SORCS1: variants seen among roughly 807,000 people sequenced by gnomAD.
SORCS1 encodes the protein VPS10 domain-containing receptor SorCS1.
SORCS1 carries 60 observed loss-of-function variants against 146.1 expected under a neutral mutation model. That is an observed-to-expected ratio of 0.41 (90% CI 0.33 to 0.51). The LOEUF (loss-of-function observed/expected upper bound fraction) is 0.51. Ranked by LOEUF, SORCS1 falls within the 20% of genes least tolerant of loss-of-function variation. The pLI is 0.21. For missense variants in SORCS1, 1,352 were observed against 1,487.6 expected (o/e 0.91, Z 1.50); for synonymous variants, 637 against 584.0 (o/e 1.09, Z -1.31).
intron 3 of SORCS1, among the ~76,000 whole-genome samples, chr10:106,794,137 G>A (rs567979578): frequency 1.9e-4 from 29 of 152,240 alleles, no homozygotes; most frequent in African/African-American, 4.3e-4. Flanking sequence ...GGCCCAAAGA[G>A]CACTGTTTAA....
intron 1 of SORCS1, among the ~76,000 whole-genome samples, chr10:107,027,715 AG>A (rs1958471826): frequency 6.6e-6 from 1 of 152,226 alleles, no homozygotes; most frequent in Non-Finnish European, 1.5e-5. Flanking sequence ...CAGCTGCTGC[AG>A]GGAAAGATAC....
chr10:106,625,027 T>C (rs1284051487), intron 19 of SORCS1, among the ~76,000 whole-genome samples: 3 of 152,198 alleles, frequency 2.0e-5, no homozygotes, highest in African/African-American at 7.2e-5. Context: ...GTGCCTGCAA[T>C]GCACAAAAGG....
intron 1 of SORCS1, among the ~76,000 whole-genome samples, chr10:107,020,624 C>A (rs1564934139): frequency 6.6e-6 from 1 of 152,106 alleles, no homozygotes; most frequent in Non-Finnish European, 1.5e-5. Flanking sequence ...GAACCCAAGC[C>A]CTCATGCAGT....
At position 106,769,157 on chromosome 10, in the gene SORCS1, G is replaced by A. The variant is rs144681535; in HGVS notation, c.885+7377C>T. Among the ~76,000 whole-genome samples, 100 of 152,262 alleles carry A rather than the reference G, an allele frequency of 6.6e-4. 1 individual carries two copies. The highest frequency in any genetic ancestry group is 2.4e-3 in the African/African-American group (99 of 41,544). On this transcript the variant is annotated intron_variant, in intron 4 of 25. Transcript: ENST00000263054. ...CTGCCATTGAAAGCAGCCATGATAA[G>A]TATTGCCCTTCTGTGAAGGCTCACT...
At chr10:106,631,294 T>C (rs1189534930) in intron 18 of SORCS1, among the ~76,000 whole-genome samples, 2 of 152,144 alleles carry the variant, frequency 1.3e-5, no homozygotes, top group African/African-American at 4.8e-5. Flanking sequence ...AAAATAAATA[T>C]CCAAAGCCCA....
intron 7 of SORCS1, among the ~76,000 whole-genome samples, chr10:106,707,809 C>T (rs1344711796): frequency 2.0e-5 from 3 of 152,164 alleles, no homozygotes; most frequent in Admixed American, 2.0e-4. Context: ...CCACGTCTCT[C>T]TCTCTCTCTC....
At chr10:107,167,520 T>C (rs937981205), upstream of SORCS1, among the ~76,000 whole-genome samples, 2 of 152,198 alleles carry the variant, frequency 1.3e-5, no homozygotes, top group Non-Finnish European at 2.9e-5. Context: ...ATTTCTCATC[T>C]GGACTACCAC....
rs190356572 is a variant in SORCS1, at chr10:107,054,340, T to A, written c.559-97760A>T. 3.5e-3 allele frequency among the ~76,000 whole-genome samples: 531 copies of A among 152,264 alleles called. 1 individual carries two copies. Among genetic ancestry groups the A allele is most frequent in the African/African-American group, 0.012 (509 of 41,530 alleles). On this transcript the variant is annotated intron_variant, in intron 1 of 25. Coordinates refer to ENST00000263054, the MANE Select transcript of SORCS1 (RefSeq NM_052918.5). ...AATTCTAACTATAATAACATTTTTTTAAAAAAGGTATATGTAATAATTGGG... is the reference window on the plus strand; with the variant it reads ...AATTCTAACTATAATAACATTTTTTAAAAAAAGGTATATGTAATAATTGGG...
chr10:106,954,956 G>A (rs547330768), intron 2 of SORCS1, among the ~76,000 whole-genome samples: 43 of 152,364 alleles, frequency 2.8e-4, no homozygotes, highest in African/African-American at 1.0e-3. Context: ...GAAAGGAGCT[G>A]TAATACTGTA....
At chr10:106,639,561 A>G (rs1313406432) in intron 18 of SORCS1, among the ~76,000 whole-genome samples, 1 of 152,208 alleles carries the variant, frequency 6.6e-6, no homozygotes, top group African/African-American at 2.4e-5. Context: ...CCGGCTAAAG[A>G]CAACCTATAT....
chr10:106,647,781 C>T (rs1017978457), intron 18 of SORCS1, among the ~76,000 whole-genome samples: 1 of 152,090 alleles, frequency 6.6e-6, no homozygotes, highest in Non-Finnish European at 1.5e-5. Context: ...ACTTCTTAAG[C>T]CTGACAAAAA....
chr10:106,803,569 T>A (rs969138496), intron 3 of SORCS1, among the ~76,000 whole-genome samples: 1 of 152,196 alleles, frequency 6.6e-6, no homozygotes, highest in African/African-American at 2.4e-5. Flanking sequence ...TGGGTACTGG[T>A]CATACTCAGT....
At chr10:106,780,181 G>A (rs1860784217) in intron 3 of SORCS1, among the ~76,000 whole-genome samples, 1 of 152,108 alleles carries the variant, frequency 6.6e-6, no homozygotes, top group South Asian at 2.1e-4. Context: ...AAATGAATAA[G>A]TCATATCTTC....
intron 3 of SORCS1, among the ~76,000 whole-genome samples, chr10:106,794,173 T>C (rs1219853576): frequency 6.6e-6 from 1 of 152,182 alleles, no homozygotes; most frequent in East Asian, 1.9e-4. Context: ...TGTCCAGATG[T>C]CCTGGACATT....
At chr10:106,633,666 TAAACAAACAAAC>T (rs143314581) in intron 18 of SORCS1, among the ~76,000 whole-genome samples, 1 of 151,826 alleles carries the variant, frequency 6.6e-6, no homozygotes, top group East Asian at 1.9e-4. Flanking sequence ...GATAGTAGAT[TAAACAAACAAAC>T]AAACAAACAA....
intron 3 of SORCS1, among the ~76,000 whole-genome samples, chr10:106,796,799 G>C (rs1478709040): frequency 2.0e-5 from 3 of 152,130 alleles, no homozygotes; most frequent in Non-Finnish European, 4.4e-5. Flanking sequence ...CAAACCAAAA[G>C]TAAATCTTAC....
At chr10:107,173,915 C>T in the SORCS1 span, among the ~76,000 whole-genome samples, 4 of 152,140 alleles carry the variant, frequency 2.6e-5, no homozygotes, top group African/African-American at 9.7e-5. Context: ...AAATTTTGTG[C>T]TAACAAAGCA....
intron 2 of SORCS1, among the ~76,000 whole-genome samples, chr10:106,951,417 A>G (rs914250689): frequency 1.3e-5 from 2 of 151,244 alleles, no homozygotes; most frequent in Non-Finnish European, 2.9e-5. Flanking sequence ...GGCTGAAGCA[A>G]GAGAATGGCG....
At chr10:106,725,083 T>C (rs1010051048) in intron 6 of SORCS1, among the ~76,000 whole-genome samples, 4 of 151,942 alleles carry the variant, frequency 2.6e-5, no homozygotes, top group Admixed American at 6.6e-5. Flanking sequence ...GAGGTTGCAG[T>C]GAGCTGAGAG....
Sources: gnomAD v4.1 joint callset for allele counts (sites outside exome capture counted in the v4.1 genomes callset) on GRCh38, gnomAD v4.1.1 for gene constraint, MANE v1.5 for transcripts, NCBI Gene and HGNC (gene_info 2026-07-23, HGNC 2026-07-21) for gene names.